The following CPNE4 variants were observed in gnomAD, a reference collection of about 807,000 sequenced individuals.
CPNE4 encodes copine-4.
In CPNE4, 25 loss-of-function variants were observed where a neutral mutation model predicts 67.9. The ratio of observed to expected loss-of-function variants is 0.37; its 90% CI spans 0.27 to 0.51. The LOEUF (loss-of-function observed/expected upper bound fraction) is 0.51. Among genes scored for constraint, CPNE4 ranks in the 20% least tolerant of loss-of-function variants. The pLI is 0.93. For synonymous variants in CPNE4, 242 were observed against 244.9 expected, an observed-to-expected ratio of 0.99 and a Z score of 0.11; for missense variants, 464 against 690.8, an observed-to-expected ratio of 0.67 and a Z score of 3.68.
At chr3:131,539,557 G>GTGGTCCTA (rs1214767451) in intron 15 of CPNE4, among the ~76,000 whole-genome samples, 17 of 151,974 alleles carry the variant, frequency 1.1e-4, no homozygotes, top group African/African-American at 4.1e-4. Context: ...TCATTTCATT[G>GTGGTCCTA]TGGTCCTAGT....
At chr3:131,567,929 C>A (rs1360390324) in intron 10 of CPNE4, among the ~76,000 whole-genome samples, 1 of 151,914 alleles carries the variant, frequency 6.6e-6, no homozygotes, top group Non-Finnish European at 1.5e-5. Context: ...ACTATTATTT[C>A]TTTTCAGTCA....
At chr3:131,953,894 A>G (rs973264247) in intron 1 of CPNE4, among the ~76,000 whole-genome samples, 1 of 152,236 alleles carries the variant, frequency 6.6e-6, no homozygotes, top group Non-Finnish European at 1.5e-5. Flanking sequence ...AAGATTTGAA[A>G]TATGTTTCCT....
At chr3:131,905,128 T>C (rs964024671) in intron 2 of CPNE4, 136 bp downstream of exon 2, 4 of 794,930 alleles carry the variant, frequency 5.0e-6, no homozygotes, top group East Asian at 2.5e-5. Context: ...CAAAACATCA[T>C]GATAGAAATG....
At chr3:131,605,842 A>G (rs536075522) in intron 7 of CPNE4, among the ~76,000 whole-genome samples, 1 of 152,290 alleles carries the variant, frequency 6.6e-6, no homozygotes, top group East Asian at 1.9e-4. Context: ...CATTGAACAT[A>G]CCATTCACCT....
intron 11 of CPNE4, among the ~76,000 whole-genome samples, chr3:131,560,425 C>T (rs538087949): frequency 2.6e-4 from 39 of 152,128 alleles, no homozygotes; most frequent in Non-Finnish European, 5.2e-4. Flanking sequence ...AATCCATCCA[C>T]ATTCTAATAA....
In CPNE4 at chr3:132,012,141, T is replaced by C. The variant is rs890114998; in HGVS notation, c.-2+22426A>G. 1.1e-3 allele frequency among the ~76,000 whole-genome samples: 166 copies of C among 151,752 alleles called. 3 individuals are homozygous for C. The highest frequency in any genetic ancestry group is 1.9e-4 in the Non-Finnish European group (13 of 67,958). On this transcript the variant is annotated intron_variant, in intron 1 of 15. Transcript: ENST00000429747. ...ATATAAAATCATGGGTCTATACCCT[T>C]GTATTCCAGTAAAGCTTTCTTTTGC...
chr3:131,651,813 T>C (rs977688217), intron 7 of CPNE4, among the ~76,000 whole-genome samples: 5 of 152,206 alleles, frequency 3.3e-5, no homozygotes, highest in African/African-American at 1.2e-4. Context: ...AGATCCAAGT[T>C]TTAGTCTGGC....
rs549817991 is a variant in CPNE4, at chr3:131,651,562, G to A, written c.681+18113C>T. On this transcript the variant is annotated intron_variant, in intron 7 of 15. Transcript: ENST00000429747. ...TGACAGAAGAAACACAAGGCTTTAGGAAGTCTTAGGAGAAAGGACTTTAGA... is the reference window on the plus strand; with the variant it reads ...TGACAGAAGAAACACAAGGCTTTAGAAAGTCTTAGGAGAAAGGACTTTAGA... 3.3e-5 allele frequency among the ~76,000 whole-genome samples: 5 copies of A among 152,310 alleles called. No individual in the cohort carries two copies. In the South Asian group the frequency reaches 1.0e-3, roughly 32 times the overall value.
chr3:131,978,179 A>T (rs1435103338), intron 1 of CPNE4, among the ~76,000 whole-genome samples: 3 of 63,362 alleles, frequency 4.7e-5, no homozygotes, highest in Admixed American at 3.0e-4. Flanking sequence ...ATATGTAAAT[A>T]TATATAATAT....
rs1037821445 is a variant in CPNE4, at chr3:131,657,612, G to A, written c.681+12063C>T. Among the ~76,000 whole-genome samples the A allele has an allele frequency of 4.8e-5, 7 of 146,042 alleles. 1 individual carries two copies. The highest frequency in any genetic ancestry group is 7.4e-5 in the Non-Finnish European group (5 of 67,398). On this transcript the variant is annotated intron_variant, in intron 7 of 15. Coordinates refer to ENST00000429747, the MANE Select transcript of CPNE4 (RefSeq NM_130808.3). Reference sequence around the variant, plus strand: ...AGCAGTGGTGTGATCTCGACTCACTGCAACCTCCAACTCACTGGTTCAAGA... The same window carrying A: ...AGCAGTGGTGTGATCTCGACTCACTACAACCTCCAACTCACTGGTTCAAGA...
In CPNE4 at chr3:131,835,917, C is replaced by G. The variant is rs149910084; in HGVS notation, c.180+69347G>C. On this transcript the variant is annotated intron_variant, in intron 2 of 15. Coordinates refer to ENST00000429747, the MANE Select transcript of CPNE4 (RefSeq NM_130808.3). ...AGCAAAGGCAGCATCTCTCTACCTT[C>G]CCCCATTCCCACAGTTGGAGAGGAT... is the stretch of plus-strand genomic sequence containing the variant. Among the ~76,000 whole-genome samples the G allele has an allele frequency of 1.2e-4, 18 of 152,256 alleles. No homozygotes were observed. In the East Asian group the frequency reaches 3.1e-3, roughly 26 times the overall value.
At chr3:131,787,885 A>G (rs962830371) in intron 2 of CPNE4, among the ~76,000 whole-genome samples, 4 of 152,148 alleles carry the variant, frequency 2.6e-5, no homozygotes, top group African/African-American at 9.7e-5. Context: ...TGTTTGTTCA[A>G]TAAAACACTA....
At chr3:132,025,215 C>T (rs895094902) in intron 1 of CPNE4, among the ~76,000 whole-genome samples, 2 of 152,150 alleles carry the variant, frequency 1.3e-5, no homozygotes, top group Non-Finnish European at 2.9e-5. Flanking sequence ...ATGCTGGCAG[C>T]CTAAGATCCT....
intron 2 of CPNE4, among the ~76,000 whole-genome samples, chr3:131,882,413 T>A (rs2087711861): frequency 6.6e-6 from 1 of 152,170 alleles, no homozygotes; most frequent in African/African-American, 2.4e-5. Context: ...TATTAAACTA[T>A]AAAGATTTAA....
intron 10 of CPNE4, among the ~76,000 whole-genome samples, chr3:131,568,198 AT>A (rs1203175354): frequency 6.6e-6 from 1 of 152,056 alleles, no homozygotes; most frequent in Non-Finnish European, 1.5e-5. Flanking sequence ...AAATATTTTC[AT>A]TTTTATTTTC....
intron 7 of CPNE4, among the ~76,000 whole-genome samples, chr3:131,646,428 A>ACTAT (rs2079666129): frequency 6.6e-6 from 1 of 152,182 alleles, no homozygotes; most frequent in Non-Finnish European, 1.5e-5. Context: ...GGAAAAGCTC[A>ACTAT]CTATATATAG....
intron 2 of CPNE4, among the ~76,000 whole-genome samples, chr3:131,812,795 T>A (rs2107944277): frequency 6.6e-6 from 1 of 152,278 alleles, no homozygotes; most frequent in Non-Finnish European, 1.5e-5. Context: ...GCAAAATACG[T>A]ACAGTGTTGT....
rs188923720 is a variant in CPNE4, at chr3:131,953,189, T to C, written c.-1-47745A>G. ...GCTGACCTTCCCTCCACTATTGTCA[T>C]ATGACCCTGCCAAATCCCCCTCTGT... On this transcript the variant is annotated intron_variant, in intron 1 of 15. Transcript: ENST00000429747. 1.3e-4 allele frequency among the ~76,000 whole-genome samples: 18 copies of C among 136,286 alleles called. No homozygotes were observed. The Admixed American group carries it at 1.5e-3, about 11-fold the overall frequency. The allele number at this position is 136,286 out of a possible 152,430, so 89.4% of individuals were successfully genotyped here.
intron 1 of CPNE4, among the ~76,000 whole-genome samples, chr3:131,964,110 TCAGCAGACCTG>T (rs1349999200): frequency 6.6e-6 from 1 of 151,984 alleles, no homozygotes; most frequent in East Asian, 1.9e-4. Flanking sequence ...CCAGCAAACT[TCAGCAGACCTG>T]CAGCAGAGGG....
Sources: gnomAD v4.1 joint callset for allele counts (sites outside exome capture counted in the v4.1 genomes callset) on GRCh38, gnomAD v4.1.1 for gene constraint, MANE v1.5 for transcripts, NCBI Gene and HGNC (gene_info 2026-07-23, HGNC 2026-07-21) for gene names.